PAK4: variants seen among roughly 807,000 people sequenced by gnomAD.
PAK4 encodes serine/threonine-protein kinase PAK 4.
Under a neutral mutation model 53.5 loss-of-function variants are expected in PAK4, and 49 were observed. The ratio of observed to expected loss-of-function variants is 0.92; its 90% CI spans 0.73 to 1.16. PAK4 has a LOEUF of 1.16. Among genes scored for constraint, PAK4 ranks in the 50% most tolerant of loss-of-function variants. PAK4 has a pLI of 0.00. For missense variants in PAK4, 824 were observed against 850.7 expected (o/e 0.97, Z 0.39); for synonymous variants, 376 against 375.6 (o/e 1.00, Z -0.01).
chr19:39,163,679 G>A (rs2144783375), intron 1 of PAK4, among the ~76,000 whole-genome samples: 1 of 152,282 alleles, frequency 6.6e-6, no homozygotes, highest in African/African-American at 2.4e-5. Context: ...TACAAAATGC[G>A]CTTGCATTTC....
intron 1 of PAK4, chr19:39,167,902 C>A (rs529669227): frequency 1.3e-5 from 2 of 152,334 alleles, no homozygotes. Context: ...GTGCCAGGCG[C>A]GGGGGAGCCA....
chr19:39,170,556 T>G (rs1348539728), intron 2 of PAK4, among the ~76,000 whole-genome samples: 1 of 152,216 alleles, frequency 6.6e-6, no homozygotes, highest in Non-Finnish European at 1.5e-5. Context: ...GAAGCCAGCC[T>G]TGGAGCCTGG....
intron 1 of PAK4, among the ~76,000 whole-genome samples, chr19:39,137,372 G>C (rs2073834417): frequency 6.6e-6 from 1 of 152,088 alleles, no homozygotes; most frequent in South Asian, 2.1e-4. Context: ...TGATGAATAG[G>C]AAAGACGAAT....
At position 39,178,524 on chromosome 19, in the gene PAK4, A is replaced by G. The variant is rs1464727328; in HGVS notation, c.1721A>G (p.Lys574Arg). The G allele has an allele frequency of 4.3e-6, 7 of 1,611,272 alleles. No homozygotes were observed. ...CTGCTGAAGCACCCATTCCTGGCCA[A>G]GGCAGGGCCGCCTGCCAGCATCGTG... The change falls in exon 9 of 9, where the codon AAG becomes AGG. Residue 574 changes from lysine to arginine, a missense_variant. Physicochemically the swap from Lys to Arg is conservative, Grantham distance 26. Around this residue, in one of 2 missense-constraint regions of PAK4, gnomAD observed 346 missense variants for 415.0 expected, o/e 0.83. Coordinates refer to ENST00000358301, the Ensembl canonical transcript of PAK4. The surrounding 1 kb of genome is among the most constrained non-coding windows in gnomAD (Gnocchi z 4.4).
intron 1 of PAK4, among the ~76,000 whole-genome samples, chr19:39,146,576 G>C (rs1158023062): frequency 6.6e-6 from 1 of 152,188 alleles, no homozygotes; most frequent in Non-Finnish European, 1.5e-5. Flanking sequence ...AGTGGCTCAC[G>C]CCTGTAATTC....
intron 1 of PAK4, among the ~76,000 whole-genome samples, chr19:39,137,130 G>T (rs1020649158): frequency 3.3e-5 from 5 of 152,016 alleles, no homozygotes; most frequent in African/African-American, 1.2e-4. Context: ...TTATCCTGGT[G>T]CCTGATACAT....
At chr19:39,162,449 G>A (rs1005542424) in intron 1 of PAK4, among the ~76,000 whole-genome samples, 5 of 152,038 alleles carry the variant, frequency 3.3e-5, no homozygotes, top group African/African-American at 1.2e-4. Context: ...TATTTTTGGG[G>A]TAGAGACAGG....
In PAK4 at chr19:39,161,327, G is replaced by A. The variant is rs1429579348; in HGVS notation, c.-22-8205G>A. On this transcript the variant is annotated intron_variant, in intron 1 of 8. Transcript: ENST00000358301. The surrounding 1 kb of genome is among the most constrained non-coding windows in gnomAD (Gnocchi z 4.5). ...CAACGCTGAGGGCCCTGGAGGGAAC[G>A]GACCTAGGCTGACTGCGCCAGGCTC... Among the ~76,000 whole-genome samples the A allele has an allele frequency of 5.9e-5, 9 of 152,220 alleles. No homozygotes were observed. The highest frequency in any genetic ancestry group is 7.4e-5 in the Non-Finnish European group (5 of 68,024).
chr19:39,182,434 C>G (rs1447820537), downstream of PAK4: 1 of 152,244 alleles, frequency 6.6e-6, no homozygotes, highest in African/African-American at 2.4e-5. Flanking sequence ...GGGCTTCACC[C>G]TGGACTTTCT....
intron 1 of PAK4, among the ~76,000 whole-genome samples, chr19:39,158,103 CATGT>C (rs1568513593): frequency 6.6e-6 from 1 of 150,506 alleles, no homozygotes; most frequent in East Asian, 1.9e-4. Context: ...TGTGTGCATG[CATGT>C]GAGCATTGTG....
intron 1 of PAK4, among the ~76,000 whole-genome samples, chr19:39,127,168 C>T (rs528600135): frequency 6.6e-6 from 1 of 152,032 alleles, no homozygotes; most frequent in African/African-American, 2.4e-5. Flanking sequence ...GGAGAGTGTC[C>T]CTGGGTGGTA....
chr19:39,161,482 C>T lies in PAK4; in HGVS notation c.-22-8050C>T, dbSNP rs908778561. On this transcript the variant is annotated intron_variant, in intron 1 of 8. Coordinates refer to ENST00000358301, the Ensembl canonical transcript of PAK4. The surrounding 1 kb of genome is among the most constrained non-coding windows in gnomAD (Gnocchi z 4.5). ...GTGTGCCCAGAACCTGCTCATGCCG[C>T]CCCCTCTGCAGCCCCCACAAGGTCC... 3.9e-5 allele frequency among the ~76,000 whole-genome samples: 6 copies of T among 151,968 alleles called. No individual in the cohort carries two copies. The highest frequency in any genetic ancestry group is 5.9e-5 in the Non-Finnish European group (4 of 67,958).
intron 1 of PAK4, among the ~76,000 whole-genome samples, chr19:39,139,558 C>A (rs919532169): frequency 1.3e-5 from 2 of 152,172 alleles, no homozygotes; most frequent in African/African-American, 4.8e-5. Flanking sequence ...CAGCAGGCCC[C>A]AGACTCCTGA....
At chr19:39,170,615 G>C (rs955577201) in intron 2 of PAK4, among the ~76,000 whole-genome samples, 2 of 152,208 alleles carry the variant, frequency 1.3e-5, no homozygotes, top group Non-Finnish European at 2.9e-5. Context: ...AGGCCAAGGG[G>C]AACTCGGCCA....
intron 2 of PAK4, 78 bp downstream of exon 3, chr19:39,169,835 C>T: frequency 9.8e-7 from 1 of 1,016,792 alleles, no homozygotes; most frequent in Non-Finnish European, 1.4e-6. Context: ...CACACTCGAC[C>T]CTGTGACCGA....
rs754244325 is a variant in PAK4, at chr19:39,173,389, C to T, written c.663+13C>T. 1.3e-6 allele frequency: 2 copies of T among 1,509,120 alleles called. No homozygotes were observed. Among genetic ancestry groups the T allele is most frequent in the Non-Finnish European group, 1.8e-6 (2 of 1,126,808 alleles). 93.5% of individuals were successfully genotyped at this position (1,509,120 alleles called of 1,614,324 possible). The stretch of plus-strand genomic sequence containing the variant: ...CCGGGGTGCCCAGGTAACCCATCCC[C>T]CGCCCCAGGGCCCCCACTGTCCCCT... On this transcript the variant is annotated intron_variant, in intron 3 of 8. Transcript: ENST00000358301. The surrounding 1 kb of genome is among the most constrained non-coding windows in gnomAD (Gnocchi z 6.9).
intron 1 of PAK4, among the ~76,000 whole-genome samples, chr19:39,147,957 T>C (rs1317750684): frequency 2.8e-4 from 22 of 79,672 alleles, no homozygotes; most frequent in East Asian, 1.9e-3. Flanking sequence ...TCTCTCTCTT[T>C]TTTTTTTTTT....
intron 1 of PAK4, among the ~76,000 whole-genome samples, chr19:39,155,463 G>A (rs969518285): frequency 3.3e-5 from 5 of 152,108 alleles, no homozygotes; most frequent in African/African-American, 1.2e-4. Flanking sequence ...GGAGGGCTTC[G>A]TGGAGGAGCA....
chr19:39,142,600 G>A (rs193135255), intron 1 of PAK4, among the ~76,000 whole-genome samples: 247 of 152,224 alleles, frequency 1.6e-3, no homozygotes, highest in African/African-American at 5.7e-3. Flanking sequence ...TGGGTGCCCC[G>A]GCTTCAAGTA....
Sources: gnomAD v4.1 joint callset for allele counts (sites outside exome capture counted in the v4.1 genomes callset) on GRCh38, gnomAD v4.1.1 for gene constraint, gnomAD v4.1.1 regional missense constraint, Gnocchi (gnomAD v3.1) non-coding constraint, MANE v1.5 for transcripts, NCBI Gene and HGNC (gene_info 2026-07-23, HGNC 2026-07-21) for gene names.